The following SPATA6 variants were observed in gnomAD, a reference collection of about 807,000 sequenced individuals.
The protein encoded by SPATA6 is spermatogenesis associated 6, also known as spermatogenesis-associated protein 6.
In SPATA6, 56 loss-of-function variants were observed where a neutral mutation model predicts 65.3. The observed-to-expected ratio is 0.86, with a 90% CI of 0.69 to 1.07. SPATA6 has a LOEUF of 1.07. SPATA6 is among the 50% of genes least tolerant of loss of function. The probability of loss-of-function intolerance (pLI) is 0.00; values close to 1 mark genes in which losing one functional copy is unlikely to be tolerated. For synonymous variants in SPATA6, 199 were observed against 213.2 expected, an observed-to-expected ratio of 0.93 and a Z score of 0.58; for missense variants, 590 against 594.8, an observed-to-expected ratio of 0.99 and a Z score of 0.08.
chr1:48,363,424 G>C (rs960630702), intron 9 of SPATA6, among the ~76,000 whole-genome samples: 1 of 152,090 alleles, frequency 6.6e-6, no homozygotes, highest in African/African-American at 2.4e-5. Context: ...ATGAGACCCT[G>C]AGCAAGTCAT....
At position 48,298,636 on chromosome 1, in the gene SPATA6, A is replaced by T; in HGVS notation, c.*77T>A. ...TAATCCCATTTTTTTTAAAAAAAGG[A>T]ATACAGATATTGATCACATCAAACA... On this transcript the variant is annotated 3_prime_UTR_variant, in exon 13 of 13. Transcript: ENST00000371847. The T allele has an allele frequency of 7.3e-7, 1 of 1,377,720 alleles. No homozygotes were observed. Among genetic ancestry groups the T allele is most frequent in the South Asian group, 1.6e-5 (1 of 62,318 alleles). 85.3% of individuals were successfully genotyped at this position (1,377,720 alleles called of 1,614,324 possible). A position where few individuals can be genotyped will look rare whatever the true frequency, so the allele number is the denominator to read the frequency against.
chr1:48,419,707 C>A (rs1355146247), intron 3 of SPATA6, among the ~76,000 whole-genome samples: 3 of 152,124 alleles, frequency 2.0e-5, no homozygotes, highest in African/African-American at 7.2e-5. Context: ...ACTATTATCT[C>A]AATTTTGGTC....
chr1:48,335,696 G>A (rs1425781880), intron 11 of SPATA6, among the ~76,000 whole-genome samples: 1 of 152,204 alleles, frequency 6.6e-6, no homozygotes, highest in South Asian at 2.1e-4. Flanking sequence ...GATAACCTAG[G>A]CAATACCATT....
the SPATA6 span, among the ~76,000 whole-genome samples, chr1:48,277,647 A>G: frequency 6.6e-6 from 1 of 152,258 alleles, no homozygotes; most frequent in Non-Finnish European, 1.5e-5. Context: ...GCCATTGCGC[A>G]GGCTTGCTTA....
Position 48,399,626 on chromosome 1 carries a change from A to G in SPATA6, c.505T>C (p.Leu169=). 1.3e-6 allele frequency: 2 copies of G among 1,596,164 alleles called. No homozygotes were observed. Among genetic ancestry groups the G allele is most frequent in the Non-Finnish European group, 1.7e-6 (2 of 1,171,554 alleles). The change falls in exon 7 of 13, where the codon TTG becomes CTG. Residue 169 remains leucine (L), a synonymous_variant. Transcript: ENST00000371847. ...CHTQDKFIYH[L]APVEKSHGRL... ...CCATGTGATTTTTCAACTGGAGCCA[A>G]ATGGTAAATAAATTTATCCTAAACA...
chr1:48,388,237 A>G (rs1181122930), intron 8 of SPATA6, among the ~76,000 whole-genome samples: 1 of 150,962 alleles, frequency 6.6e-6, no homozygotes, highest in African/African-American at 2.4e-5. Flanking sequence ...TGCTGCTTAT[A>G]AACAAAAAAA....
At chr1:48,408,901 GA>G (rs1651956264) in intron 5 of SPATA6, among the ~76,000 whole-genome samples, 1 of 152,176 alleles carries the variant, frequency 6.6e-6, no homozygotes, top group East Asian at 1.9e-4. Flanking sequence ...TAGCACATGA[GA>G]ATTATGGGAG....
At chr1:48,326,521 C>CAAAAAAAAAA (rs1330859768) in intron 11 of SPATA6, among the ~76,000 whole-genome samples, 1 of 80,086 alleles carries the variant, frequency 1.2e-5, no homozygotes, top group Non-Finnish European at 2.8e-5. Context: ...TCATATGAAA[C>CAAAAAAAAAA]AAAAAAAAAA....
intron 11 of SPATA6, among the ~76,000 whole-genome samples, chr1:48,350,652 G>T (rs913289519): frequency 1.3e-5 from 2 of 151,868 alleles, no homozygotes; most frequent in Non-Finnish European, 2.9e-5. Context: ...ACATTTAATT[G>T]GCTTTACACT....
intron 8 of SPATA6, among the ~76,000 whole-genome samples, chr1:48,389,130 C>T (rs1373238486): frequency 6.6e-6 from 1 of 152,118 alleles, no homozygotes. Context: ...CAGGCATAAG[C>T]CATCGTGCCT....
chr1:48,397,782 T>C (rs1650749375), intron 7 of SPATA6, among the ~76,000 whole-genome samples: 1 of 151,548 alleles, frequency 6.6e-6, no homozygotes, highest in Admixed American at 6.6e-5. Context: ...GACTTAGGAG[T>C]AGGCATTTCT....
intron 9 of SPATA6, among the ~76,000 whole-genome samples, chr1:48,367,571 G>T (rs1356286468): frequency 5.3e-5 from 8 of 152,080 alleles, no homozygotes; most frequent in Admixed American, 5.2e-4. Flanking sequence ...TGTCTCTTTT[G>T]ATCTTTGTTG....
chr1:48,348,176 C>G (rs1646422558), intron 11 of SPATA6, among the ~76,000 whole-genome samples: 1 of 151,984 alleles, frequency 6.6e-6, no homozygotes, highest in South Asian at 2.1e-4. Flanking sequence ...TTTGTCCTTT[C>G]CATGCACTAC....
In SPATA6 at chr1:48,399,503, T is replaced by C. The variant is rs1650947977; in HGVS notation, c.628A>G (p.Thr210Ala). 1 of 1,613,168 alleles carries C rather than the reference T, an allele frequency of 6.2e-7. No homozygotes were observed. The highest frequency in any genetic ancestry group is 1.7e-5 in the Admixed American group (1 of 59,902). ...CINAKNYEQP[T>A]ISSKSHSPSP... is the part of the protein sequence containing the mutation. ...GGAGAGTGTGATTTTGAAGAAATTG[T>C]AGGCTGTTCGTAGTTTTTTGCATTT... The change falls in exon 7 of 13, where the codon ACA (threonine) becomes GCA (alanine). Residue 210 changes from threonine (T) to alanine (A), a missense_variant. Physicochemically the swap from Thr to Ala is moderately conservative, Grantham distance 58 (BLOSUM62 0). Coordinates refer to ENST00000371847, the MANE Select transcript of SPATA6 (RefSeq NM_019073.4).
At chr1:48,373,562 G>A (rs924485075) in intron 9 of SPATA6, among the ~76,000 whole-genome samples, 5 of 152,038 alleles carry the variant, frequency 3.3e-5, no homozygotes, top group African/African-American at 9.7e-5. Context: ...ACATTTCCGG[G>A]TATCTTTTCA....
intron 11 of SPATA6, among the ~76,000 whole-genome samples, chr1:48,329,835 A>G (rs140249354): frequency 6.6e-6 from 1 of 152,294 alleles, no homozygotes; most frequent in African/African-American, 2.4e-5. Flanking sequence ...AGGGGAATTT[A>G]CACTCTCCAC....
chr1:48,363,748 A>C (rs1212573088), intron 9 of SPATA6, among the ~76,000 whole-genome samples: 2 of 149,322 alleles, frequency 1.3e-5, no homozygotes, highest in African/African-American at 5.0e-5. Context: ...ACAGGTAAAA[A>C]AGGAAACTTC....
chr1:48,375,822 CA>C (rs1647827827), intron 9 of SPATA6, among the ~76,000 whole-genome samples: 1 of 152,046 alleles, frequency 6.6e-6, no homozygotes, highest in Non-Finnish European at 1.5e-5. Flanking sequence ...ATGATTTCAC[CA>C]AGGATATTTT....
the SPATA6 span, among the ~76,000 whole-genome samples, chr1:48,272,696 C>T: frequency 6.6e-6 from 1 of 152,150 alleles, no homozygotes; most frequent in East Asian, 1.9e-4. Context: ...TGAATATATA[C>T]CCAGAAGTGA....
Sources: gnomAD v4.1 joint callset for allele counts (sites outside exome capture counted in the v4.1 genomes callset) on GRCh38, gnomAD v4.1.1 for gene constraint, MANE v1.5 for transcripts, NCBI Gene and HGNC (gene_info 2026-07-23, HGNC 2026-07-21) for gene names.